Variants in DLGAP1 observed in about 807,000 individuals in gnomAD.
DLGAP1 encodes DLG associated protein 1.
DLGAP1 carries 11 observed loss-of-function variants against 90.8 expected under a neutral mutation model. The observed-to-expected ratio is 0.12, with a 90% CI of 0.08 to 0.20. The LOEUF is 0.20. Among genes scored for constraint, DLGAP1 ranks in the 10% least tolerant of loss-of-function variants. DLGAP1 has a pLI of 1.00. For synonymous variants in DLGAP1, 558 were observed against 540.7 expected (o/e 1.03, Z -0.44); for missense variants, 1,050 against 1,333.8 (o/e 0.79, Z 3.31).
At position 3,664,218 on chromosome 18, in the gene DLGAP1, C is replaced by CACACCCACA. The variant is rs1555620386; in HGVS notation, c.1591+64916_1591+64917insTGTGGGTGT. Among the ~76,000 whole-genome samples the CACACCCACA allele has an allele frequency of 5.9e-3, 444 of 75,804 alleles. 1 individual carries two copies. The highest frequency in any genetic ancestry group is 0.025 in the African/African-American group (424 of 17,214). 49.7% of individuals were successfully genotyped at this position (75,804 alleles called of 152,430 possible). A position where few individuals can be genotyped will look rare whatever the true frequency, so the allele number is the denominator to read the frequency against. ...CACACACACACACACACACACACAC[C>CACACCCACA]CACACACACACACACACACGGATAT... On this transcript the variant is annotated intron_variant, in intron 7 of 12. Coordinates refer to ENST00000315677, the MANE Select transcript of DLGAP1 (RefSeq NM_004746.4).
intron 7 of DLGAP1, among the ~76,000 whole-genome samples, chr18:3,685,253 T>A (rs1292654496): frequency 6.6e-6 from 1 of 152,080 alleles, no homozygotes; most frequent in Non-Finnish European, 1.5e-5. Flanking sequence ...TAGTATTAAG[T>A]GTCTCATGGT....
intron 7 of DLGAP1, among the ~76,000 whole-genome samples, chr18:3,649,661 C>G (rs2059228045): frequency 2.6e-5 from 4 of 152,148 alleles, no homozygotes. Flanking sequence ...CCTTGCCAGA[C>G]CCTTCCAGCC....
At chr18:3,922,579 A>T (rs1441007250) in intron 3 of DLGAP1, among the ~76,000 whole-genome samples, 1 of 152,210 alleles carries the variant, frequency 6.6e-6, no homozygotes, top group Non-Finnish European at 1.5e-5. Flanking sequence ...ACATATTGCA[A>T]ATCATCAAAA....
At chr18:3,507,999 A>C (rs979220035) in intron 11 of DLGAP1, among the ~76,000 whole-genome samples, 4 of 152,150 alleles carry the variant, frequency 2.6e-5, no homozygotes, top group Non-Finnish European at 5.9e-5. Flanking sequence ...GGCCTCCCAA[A>C]GTGCTGGGAT....
intron 3 of DLGAP1, among the ~76,000 whole-genome samples, chr18:3,980,005 A>G (rs1263278725): frequency 6.6e-6 from 1 of 152,058 alleles, no homozygotes; most frequent in African/African-American, 2.4e-5. Flanking sequence ...GCGTGGTGGC[A>G]GGCACCTGTA....
At chr18:4,241,409 CAT>C (rs1307212046) in intron 1 of DLGAP1, among the ~76,000 whole-genome samples, 1 of 152,172 alleles carries the variant, frequency 6.6e-6, no homozygotes, top group Non-Finnish European at 1.5e-5. Flanking sequence ...TGTGAATTTT[CAT>C]AGACTGCCTT....
intron 3 of DLGAP1, among the ~76,000 whole-genome samples, chr18:3,924,825 T>C (rs1383852437): frequency 6.6e-6 from 1 of 152,222 alleles, no homozygotes; most frequent in East Asian, 1.9e-4. Context: ...TGTTTGTTTG[T>C]TTTGCCCACC....
At chr18:3,996,538 A>G (rs1328915092) in intron 3 of DLGAP1, among the ~76,000 whole-genome samples, 1 of 152,110 alleles carries the variant, frequency 6.6e-6, no homozygotes, top group Non-Finnish European at 1.5e-5. Context: ...AAAAATGTAC[A>G]GCACATTTCA....
intron 1 of DLGAP1, among the ~76,000 whole-genome samples, chr18:4,163,615 A>G (rs1429548212): frequency 6.6e-6 from 1 of 152,238 alleles, no homozygotes; most frequent in Non-Finnish European, 1.5e-5. Flanking sequence ...AATGTCTGCT[A>G]AAATAGAGGG....
At chr18:3,559,362 T>C (rs967026751) in intron 9 of DLGAP1, among the ~76,000 whole-genome samples, 1 of 152,204 alleles carries the variant, frequency 6.6e-6, no homozygotes, top group African/African-American at 2.4e-5. Flanking sequence ...TTTTTCTAAA[T>C]GGGAAAAGGG....
At position 3,672,617 on chromosome 18, in the gene DLGAP1, A is replaced by C. The variant is rs550535108; in HGVS notation, c.1591+56518T>G. On this transcript the variant is annotated intron_variant, in intron 7 of 12. Transcript: ENST00000315677. ...AAAAAAAAAAAAAAAAAAGTTAATG[A>C]GAAACAGGTAGATAAACCCAGGAGT... 1.3e-4 allele frequency among the ~76,000 whole-genome samples: 16 copies of C among 119,848 alleles called. 1 individual carries two copies. In the South Asian group the frequency reaches 3.1e-3, roughly 23 times the overall value. The allele number at this position is 119,848 out of a possible 152,430, so 78.6% of individuals were successfully genotyped here.
At chr18:4,108,187 A>C (rs9303944) in intron 2 of DLGAP1, among the ~76,000 whole-genome samples, 80,321 of 151,952 alleles carry the variant, frequency 0.53, 22,857 homozygotes, top group African/African-American at 0.75. Context: ...CTGACCATCT[A>C]CCTCTCTCCT....
chr18:3,622,102 A>G (rs531996807), intron 7 of DLGAP1, among the ~76,000 whole-genome samples: 80 of 150,574 alleles, frequency 5.3e-4, no homozygotes, highest in Middle Eastern at 3.5e-3. Context: ...TCTACAATTA[A>G]GCTGATTCTT....
Position 3,953,802 on chromosome 18 carries a change from G to C in DLGAP1, c.-73+51314C>G, listed in dbSNP as rs150136320. On this transcript the variant is annotated intron_variant, in intron 3 of 12. Coordinates refer to ENST00000315677, the MANE Select transcript of DLGAP1 (RefSeq NM_004746.4). ...TGGAAATATTTTCACCATTAAAATA[G>C]TGATGCTTAAAGGATGATGGTATGG... Among the ~76,000 whole-genome samples the C allele has an allele frequency of 1.9e-3, 283 of 152,182 alleles. 1 individual carries two copies. The highest frequency in any genetic ancestry group is 2.8e-3 in the Non-Finnish European group (192 of 68,014).
At chr18:4,347,984 C>T (rs1598957603) in intron 1 of DLGAP1, among the ~76,000 whole-genome samples, 1 of 151,976 alleles carries the variant, frequency 6.6e-6, no homozygotes, top group South Asian at 2.1e-4. Context: ...AATTAATATT[C>T]ATAAATTAAG....
chr18:4,034,437 A>C (rs1434774787), intron 2 of DLGAP1, among the ~76,000 whole-genome samples: 1 of 152,068 alleles, frequency 6.6e-6, no homozygotes, highest in Non-Finnish European at 1.5e-5. Flanking sequence ...ATCATTAAAA[A>C]CCCACACAAG....
chr18:4,173,421 T>A (rs1030873056), intron 1 of DLGAP1, among the ~76,000 whole-genome samples: 1 of 152,190 alleles, frequency 6.6e-6, no homozygotes, highest in Non-Finnish European at 1.5e-5. Flanking sequence ...TTATGATCGG[T>A]AGAGACGATG....
intron 8 of DLGAP1, among the ~76,000 whole-genome samples, chr18:3,569,064 G>A (rs898148738): frequency 5.3e-5 from 8 of 151,442 alleles, no homozygotes; most frequent in African/African-American, 9.7e-5. Context: ...GTGCAGTGGC[G>A]CAATCTCAGC....
At chr18:4,061,999 T>C (rs1598330431) in intron 2 of DLGAP1, among the ~76,000 whole-genome samples, 1 of 152,140 alleles carries the variant, frequency 6.6e-6, no homozygotes, top group Non-Finnish European at 1.5e-5. Flanking sequence ...CTATCACTCT[T>C]TTGGAAAACT....
Sources: allele counts gnomAD v4.1 joint callset (sites outside exome capture counted in the v4.1 genomes callset), GRCh38; gene constraint gnomAD v4.1.1; transcripts MANE v1.5; gene names NCBI Gene and HGNC (gene_info 2026-07-23, HGNC 2026-07-21).